C5orf63: variants seen among roughly 807,000 people sequenced by gnomAD.
The protein encoded by C5orf63 is glutaredoxin-like protein C5orf63.
C5orf63 carries 18 observed loss-of-function variants against 13.3 expected under a neutral mutation model. The observed-to-expected ratio is 1.36, with a 90% CI of 0.94 to 2.01. The LOEUF is 2.01. Ranked by LOEUF, C5orf63 falls within the 30% of genes most tolerant of loss-of-function variation. The pLI is 0.00. For missense variants in C5orf63, 118 were observed against 127.7 expected, an observed-to-expected ratio of 0.92 and a Z score of 0.36; for synonymous variants, 38 against 44.7, an observed-to-expected ratio of 0.85 and a Z score of 0.60.
chr5:127,070,741 A>G (rs1346729783), intron 2 of C5orf63, among the ~76,000 whole-genome samples: 2 of 152,222 alleles, frequency 1.3e-5, no homozygotes, highest in Non-Finnish European at 2.9e-5. Flanking sequence ...AATATTTGCT[A>G]AACAGGTGTT....
At chr5:127,049,138 G>A (rs1380237951), downstream of C5orf63, among the ~76,000 whole-genome samples, 1 of 152,140 alleles carries the variant, frequency 6.6e-6, no homozygotes, top group Admixed American at 6.5e-5. Context: ...CTGGGGTAGG[G>A]AGGCCAGACA....
chr5:127,058,666 G>A, intron 3 of C5orf63: 1 of 494,590 alleles, frequency 2.0e-6, no homozygotes, highest in East Asian at 3.3e-5. Context: ...TCAATGTAGG[G>A]GCCAGATGAC....
At chr5:127,061,753 T>C (rs1292213371) in intron 2 of C5orf63, among the ~76,000 whole-genome samples, 1 of 152,222 alleles carries the variant, frequency 6.6e-6, no homozygotes, top group African/African-American at 2.4e-5. Context: ...TTACTCTAGG[T>C]AGAAACTTAT....
Position 127,073,424 on chromosome 5 carries a change from C to T in C5orf63, c.-110+27G>A, listed in dbSNP as rs1477419525. On this transcript the variant is annotated intron_variant, in intron 1 of 4. Coordinates refer to ENST00000296662, the MANE Select transcript of C5orf63 (RefSeq NM_001164478.2). ...GAGGCGGAGACCCGCGAGCGCTCAC[C>T]CTCGGCGCGGGACTAAGGGAACCCA... 9.2e-5 allele frequency: 14 copies of T among 152,412 alleles called. No homozygotes were observed. In the East Asian group the frequency reaches 1.7e-3, roughly 19 times the overall value. The allele number at this position is 152,412 out of a possible 1,614,324, so 9.4% of individuals were successfully genotyped here.
intron 2 of C5orf63, among the ~76,000 whole-genome samples, chr5:127,069,455 C>T (rs1287261231): frequency 2.6e-5 from 4 of 152,180 alleles, no homozygotes; most frequent in Non-Finnish European, 5.9e-5. Flanking sequence ...ATTCAAAAAC[C>T]ATCCACCCAG....
rs777748493 is a variant in C5orf63, at chr5:127,052,618, T to C, written c.166A>G (p.Asn56Asp). Residue 56 changes from asparagine (N) to aspartate (D), a missense_variant, in exon 4 of 5, where the codon AAC becomes GAC. Physicochemically the swap from Asn to Asp is conservative, Grantham distance 23 (BLOSUM62 1). Coordinates refer to ENST00000296662, the MANE Select transcript of C5orf63 (RefSeq NM_001164478.2). Reference sequence around the variant, plus strand: ...GCCACACTGTATTATATTACCCTGTTTTCATAAGGCTTGAGTACTTCCTTG... The same window carrying C: ...GCCACACTGTATTATATTACCCTGTCTTCATAAGGCTTGAGTACTTCCTTG... The part of the protein sequence containing the change: ...EAKEVLKPYE[N>D]RFILQEVNIT... 6.7e-6 allele frequency: 10 copies of C among 1,500,986 alleles called. No homozygotes were observed. The highest frequency in any genetic ancestry group is 1.4e-5 in the African/African-American group (1 of 71,004). 93.0% of individuals were successfully genotyped at this position (1,500,986 alleles called of 1,614,324 possible).
Position 127,051,755 on chromosome 5 carries a change from A to G in C5orf63, c.*16T>C. 4.1e-6 allele frequency: 6 copies of G among 1,480,298 alleles called. No homozygotes were observed. In the South Asian group the frequency reaches 5.4e-5, roughly 13 times the overall value. The allele number at this position is 1,480,298 out of a possible 1,614,324, so 91.7% of individuals were successfully genotyped here. On this transcript the variant is annotated 3_prime_UTR_variant, in exon 5 of 5. Transcript: ENST00000296662. ...GCTTTATGGGAAGAGAGGGTGGAAA[A>G]TCATGAGGGCATCAGTCAGCCTCCA...
chr5:127,068,330 A>G (rs938871990), intron 2 of C5orf63, among the ~76,000 whole-genome samples: 10 of 152,158 alleles, frequency 6.6e-5, no homozygotes, highest in African/African-American at 2.4e-4. Context: ...AGAGGACTCA[A>G]ATTCACTTAT....
intron 2 of C5orf63, among the ~76,000 whole-genome samples, chr5:127,070,664 C>G (rs1400185291): frequency 6.6e-6 from 1 of 152,190 alleles, no homozygotes; most frequent in African/African-American, 2.4e-5. Flanking sequence ...TAAGGCAAGA[C>G]CAAACCAAGA....
chr5:127,044,180 GA>G (rs1248302596), downstream of C5orf63: 11 of 152,298 alleles, frequency 7.2e-5, no homozygotes, highest in East Asian at 2.1e-3. Context: ...TCTAAGGATA[GA>G]AAGTTTTCCA....
At chr5:127,047,510 C>A (rs1191566516), downstream of C5orf63, 1 of 567,498 alleles carries the variant, frequency 1.8e-6, no homozygotes, top group African/African-American at 1.9e-5. Context: ...GTCACATGAC[C>A]ATATTCCTCT....
In C5orf63 at chr5:127,058,989, A is replaced by G; in HGVS notation, c.7T>C (p.Trp3Arg). The G allele has an allele frequency of 6.5e-7, 1 of 1,533,908 alleles. No homozygotes were observed. The highest frequency in any genetic ancestry group is 8.7e-7 in the Non-Finnish European group (1 of 1,143,656). Residue 3 changes from tryptophan to arginine, a missense_variant, in exon 3 of 5, where the codon TGG (tryptophan) becomes CGG (arginine). Transcript: ENST00000296662. MLWFQGNSMQLAR... is the reference protein window; with the variant it reads MLRFQGNSMQLAR... ...AGTTGCATGCTATTTCCTTGAAACC[A>G]GAGCATCTTAATTCTGCCAAAAGAA... is the stretch of plus-strand genomic sequence containing the variant.
intron 2 of C5orf63, among the ~76,000 whole-genome samples, chr5:127,065,552 C>T (rs781676408): frequency 3.9e-5 from 6 of 152,150 alleles, no homozygotes; most frequent in African/African-American, 1.2e-4. Context: ...AAACCTTGAA[C>T]GGGGTAAAGA....
At chr5:127,073,058 G>C (rs1754615016) in intron 1 of C5orf63, 1 of 152,210 alleles carries the variant, frequency 6.6e-6, no homozygotes, top group South Asian at 2.1e-4. Context: ...AAGGCAGTCA[G>C]CTCAGCGGGC....
At chr5:127,052,799 T>C (rs1753728903) in intron 3 of C5orf63, 130 bp from the exon 4 acceptor site, 5 of 554,140 alleles carry the variant, frequency 9.0e-6, no homozygotes, top group Non-Finnish European at 1.4e-5. Flanking sequence ...TCTACCATGT[T>C]AGTTACACTG....
intron 3 of C5orf63, among the ~76,000 whole-genome samples, chr5:127,055,018 G>C (rs1346593348): frequency 6.6e-6 from 1 of 152,106 alleles, no homozygotes; most frequent in Non-Finnish European, 1.5e-5. Flanking sequence ...GCTTGTTTTT[G>C]TCAGGTTTGT....
chr5:127,044,278 A>G (rs142277939), downstream of C5orf63: 1 of 152,150 alleles, frequency 6.6e-6, no homozygotes, highest in African/African-American at 2.4e-5. Flanking sequence ...GATTCTTCTT[A>G]TTACTACTAG....
chr5:127,051,175 A>G (rs2126880697), downstream of C5orf63: 1 of 482,078 alleles, frequency 2.1e-6, no homozygotes, highest in East Asian at 3.9e-5. Context: ...AAGGAGTTTA[A>G]GTTTTTCTTT....
intron 2 of C5orf63, among the ~76,000 whole-genome samples, chr5:127,065,872 T>C (rs1157804565): frequency 6.6e-6 from 1 of 152,154 alleles, no homozygotes; most frequent in African/African-American, 2.4e-5. Flanking sequence ...GATACTATTA[T>C]AGGTGTTGGG....
Sources: allele counts gnomAD v4.1 joint callset (sites outside exome capture counted in the v4.1 genomes callset), GRCh38; gene constraint gnomAD v4.1.1; transcripts MANE v1.5; gene names NCBI Gene and HGNC (gene_info 2026-07-23, HGNC 2026-07-21).